The following UBE2K variants were observed in gnomAD, a reference collection of about 807,000 sequenced individuals.
The protein encoded by UBE2K is ubiquitin conjugating enzyme E2 K.
UBE2K carries 6 observed loss-of-function variants against 30.0 expected under a neutral mutation model. The observed-to-expected ratio is 0.20, with a 90% CI of 0.11 to 0.39. The LOEUF (loss-of-function observed/expected upper bound fraction) is 0.39. Among genes scored for constraint, UBE2K ranks in the 10% least tolerant of loss-of-function variants. UBE2K has a pLI of 1.00. For synonymous variants in UBE2K, 86 were observed against 83.7 expected (o/e 1.03, Z -0.15); for missense variants, 61 against 241.6 (o/e 0.25, Z 4.96).
At chr4:39,768,322 G>C (rs1183387526) in intron 4 of UBE2K, among the ~76,000 whole-genome samples, 1 of 149,404 alleles carries the variant, frequency 6.7e-6, no homozygotes, top group Non-Finnish European at 1.5e-5. Context: ...GCAGGCGCCT[G>C]TAATCCCAGC....
intron 3 of UBE2K, among the ~76,000 whole-genome samples, chr4:39,748,140 C>T (rs980860255): frequency 6.6e-6 from 1 of 152,144 alleles, no homozygotes; most frequent in Non-Finnish European, 1.5e-5. Flanking sequence ...AAAGTAATTG[C>T]ATAGTTGTGG....
intron 1 of UBE2K, among the ~76,000 whole-genome samples, chr4:39,717,035 G>A (rs1719106685): frequency 6.7e-6 from 1 of 150,264 alleles, no homozygotes; most frequent in African/African-American, 2.5e-5. Context: ...GGTGGGTGGT[G>A]CGCATCAGTA....
intron 1 of UBE2K, among the ~76,000 whole-genome samples, chr4:39,708,585 A>G (rs1718505239): frequency 6.6e-6 from 1 of 152,070 alleles, no homozygotes; most frequent in African/African-American, 2.4e-5. Context: ...TATATTATGT[A>G]TTTTAAGTTT....
intron 1 of UBE2K, among the ~76,000 whole-genome samples, chr4:39,727,035 T>C (rs906738426): frequency 1.3e-5 from 2 of 152,246 alleles, no homozygotes; most frequent in African/African-American, 4.8e-5. Context: ...ATTGTCTTAT[T>C]ATGTCCAACA....
intron 4 of UBE2K, among the ~76,000 whole-genome samples, chr4:39,767,811 G>A (rs1486881178): frequency 6.6e-6 from 1 of 151,916 alleles, no homozygotes; most frequent in African/African-American, 2.4e-5. Context: ...CTTCCTTTGA[G>A]TGAAAATTTT....
At chr4:39,758,908 C>T (rs186937853) in intron 4 of UBE2K, among the ~76,000 whole-genome samples, 168 of 152,224 alleles carry the variant, frequency 1.1e-3, no homozygotes, top group African/African-American at 3.9e-3. Context: ...CAACTATTCC[C>T]TTTTCCTAAG....
chr4:39,768,115 T>C (rs534530767), intron 4 of UBE2K, among the ~76,000 whole-genome samples: 2 of 152,206 alleles, frequency 1.3e-5, no homozygotes, highest in South Asian at 2.1e-4. Flanking sequence ...CAAATGAAAT[T>C]AGAGAAAGAA....
chr4:39,723,771 C>T (rs1719566383), intron 1 of UBE2K, among the ~76,000 whole-genome samples: 1 of 152,094 alleles, frequency 6.6e-6, no homozygotes, highest in South Asian at 2.1e-4. Flanking sequence ...ATAATTGTTT[C>T]TCTGTGTTAA....
intron 4 of UBE2K, among the ~76,000 whole-genome samples, chr4:39,771,904 C>A (rs915650223): frequency 3.3e-5 from 5 of 152,108 alleles, no homozygotes; most frequent in African/African-American, 1.2e-4. Flanking sequence ...GCGGTGGCGC[C>A]ATCTGGACTC....
At chr4:39,700,454 T>C (rs910083011) in intron 1 of UBE2K, among the ~76,000 whole-genome samples, 1 of 152,114 alleles carries the variant, frequency 6.6e-6, no homozygotes, top group African/African-American at 2.4e-5. Context: ...GGAAAATAAG[T>C]TGGAAAGAAC....
At chr4:39,707,597 T>A (rs1176528779) in intron 1 of UBE2K, among the ~76,000 whole-genome samples, 1 of 151,136 alleles carries the variant, frequency 6.6e-6, no homozygotes, top group Non-Finnish European at 1.5e-5. Context: ...TCATAGCTCA[T>A]TGCAGCCTTG....
intron 1 of UBE2K, among the ~76,000 whole-genome samples, chr4:39,722,536 T>C (rs1719481295): frequency 6.6e-6 from 1 of 152,196 alleles, no homozygotes; most frequent in South Asian, 2.1e-4. Flanking sequence ...AATAATCTTA[T>C]TCCCAAAATC....
chr4:39,702,155 A>G (rs1250360733), intron 1 of UBE2K, among the ~76,000 whole-genome samples: 2 of 150,474 alleles, frequency 1.3e-5, no homozygotes, highest in Non-Finnish European at 3.0e-5. Flanking sequence ...TGTTGGTCTT[A>G]TGCTATATGG....
At chr4:39,722,787 C>T (rs1719498266) in intron 1 of UBE2K, among the ~76,000 whole-genome samples, 1 of 145,796 alleles carries the variant, frequency 6.9e-6, no homozygotes, top group Non-Finnish European at 1.5e-5. Context: ...CTGCTGTATT[C>T]TCTTTTTCTC....
At chr4:39,764,334 G>A (rs1578494369) in intron 4 of UBE2K, among the ~76,000 whole-genome samples, 1 of 151,800 alleles carries the variant, frequency 6.6e-6, no homozygotes, top group Non-Finnish European at 1.5e-5. Flanking sequence ...AAGTGACAAC[G>A]TTTTCTCTTT....
At chr4:39,735,814 TAAA>T (rs1178807773) in intron 1 of UBE2K, among the ~76,000 whole-genome samples, 8 of 152,138 alleles carry the variant, frequency 5.3e-5, no homozygotes, top group African/African-American at 1.9e-4. Flanking sequence ...AGTTTTTGGA[TAAA>T]AAATATTTTC....
Position 39,707,443 on chromosome 4 carries a change from G to A in UBE2K, c.63+9053G>A, listed in dbSNP as rs572963345. Reference sequence around the variant, plus strand: ...TCGAACTTCAGACCTCAGGTGATCCGCCTGCCTTGGCTTCTCAAAGTGCTG... The same window carrying A: ...TCGAACTTCAGACCTCAGGTGATCCACCTGCCTTGGCTTCTCAAAGTGCTG... On this transcript the variant is annotated intron_variant, in intron 1 of 6. Coordinates refer to ENST00000261427, the MANE Select transcript of UBE2K (RefSeq NM_005339.5). Among the ~76,000 whole-genome samples, 169 of 151,920 alleles carry A rather than the reference G, an allele frequency of 1.1e-3. 1 individual carries two copies. Among genetic ancestry groups the A allele is most frequent in the African/African-American group, 3.9e-3 (160 of 41,476 alleles).
rs544164200 is a variant in UBE2K, at chr4:39,775,902, A to G, written c.399+969A>G. Among the ~76,000 whole-genome samples, 4 of 152,058 alleles carry G rather than the reference A, an allele frequency of 2.6e-5. No individual in the cohort carries two copies. In the South Asian group the frequency reaches 6.2e-4, roughly 24 times the overall value. The stretch of plus-strand genomic sequence containing the variant: ...TAGCTGTTCTTTGTTAGTTCCCACA[A>G]TTATTTCCCTTCTTACTCGTCTTTC... On this transcript the variant is annotated intron_variant, in intron 5 of 6. Coordinates refer to ENST00000261427, the MANE Select transcript of UBE2K (RefSeq NM_005339.5).
intron 1 of UBE2K, among the ~76,000 whole-genome samples, chr4:39,704,588 A>G (rs538108231): frequency 2.6e-5 from 4 of 152,176 alleles, no homozygotes; most frequent in Non-Finnish European, 4.4e-5. Context: ...CACCAAAGCT[A>G]GAATGCAGTG....
Sources: allele counts gnomAD v4.1 joint callset (sites outside exome capture counted in the v4.1 genomes callset), GRCh38; gene constraint gnomAD v4.1.1; transcripts MANE v1.5; gene names NCBI Gene and HGNC (gene_info 2026-07-23, HGNC 2026-07-21).